Variants in WDR70 observed in about 807,000 individuals in gnomAD.
WDR70 encodes the protein WD repeat domain 70, also known as WD repeat-containing protein 70.
A neutral mutation model predicts 88.6 loss-of-function variants in WDR70; 53 were observed. The observed-to-expected ratio is 0.60, with a 90% confidence interval of 0.48 to 0.75. The LOEUF is 0.75. WDR70 is among the 30% of genes least tolerant of loss of function. WDR70 has a pLI of 0.00. For synonymous variants in WDR70, 280 were observed against 270.0 expected, an observed-to-expected ratio of 1.04 and a Z score of -0.36; for missense variants, 610 against 823.2, an observed-to-expected ratio of 0.74 and a Z score of 3.17.
At chr5:37,501,929 T>A (rs1961374) in intron 8 of WDR70, among the ~76,000 whole-genome samples, 63,338 of 152,020 alleles carry the variant, frequency 0.42, 15,323 homozygotes, top group Non-Finnish European at 0.54. Context: ...ATTCAGGCTC[T>A]TTTTTAGTTC....
intron 9 of WDR70, among the ~76,000 whole-genome samples, chr5:37,538,825 A>G (rs1352196283): frequency 6.6e-6 from 1 of 152,228 alleles, no homozygotes; most frequent in Non-Finnish European, 1.5e-5. Context: ...AATGAAAACC[A>G]GATGATAATG....
rs1374858629 is a variant in WDR70 at position 37,472,289 on chromosome 5, T to C, written c.687-7545T>C. 2.0e-5 allele frequency among the ~76,000 whole-genome samples: 3 copies of C among 152,150 alleles called. No individual in the cohort carries two copies. The East Asian group carries it at 5.8e-4, about 29-fold the overall frequency. On this transcript the variant is annotated intron_variant, in intron 7 of 17. Transcript: ENST00000265107. ...TCTCTTGATTCTTTTTCATTCTATG[T>C]CCCTCCTTCCCATAGAGGCAAGTAC... is the stretch of plus-strand genomic sequence containing the variant.
intron 10 of WDR70, among the ~76,000 whole-genome samples, chr5:37,655,324 G>T (rs1287880899): frequency 6.6e-6 from 1 of 152,116 alleles, no homozygotes; most frequent in Non-Finnish European, 1.5e-5. Context: ...TAGTCTGATG[G>T]GCTTCCTTCT....
At chr5:37,742,992 C>T (rs1029584993) in intron 17 of WDR70, among the ~76,000 whole-genome samples, 1 of 152,224 alleles carries the variant, frequency 6.6e-6, no homozygotes, top group African/African-American at 2.4e-5. Flanking sequence ...TGAAATATCA[C>T]ATGAAATATT....
intron 9 of WDR70, among the ~76,000 whole-genome samples, chr5:37,538,057 G>A (rs1311672819): frequency 3.3e-5 from 5 of 152,068 alleles, no homozygotes; most frequent in African/African-American, 7.2e-5. Context: ...TCTCTTCTAC[G>A]TTGGTTAGCA....
chr5:37,502,929 A>T (rs1208644630), intron 8 of WDR70, among the ~76,000 whole-genome samples: 2 of 152,316 alleles, frequency 1.3e-5, no homozygotes, highest in East Asian at 3.9e-4. Context: ...AACACCTCTC[A>T]CTAGGCCCCA....
intron 7 of WDR70, among the ~76,000 whole-genome samples, chr5:37,456,415 C>T (rs1021698768): frequency 4.6e-5 from 7 of 152,126 alleles, no homozygotes; most frequent in African/African-American, 1.4e-4. Flanking sequence ...ATTTTAAGAA[C>T]TGGGTTCTTT....
At chr5:37,649,291 A>G (rs899174449) in intron 10 of WDR70, among the ~76,000 whole-genome samples, 1 of 152,052 alleles carries the variant, frequency 6.6e-6, no homozygotes, top group African/African-American at 2.4e-5. Context: ...GAGAGTAGGA[A>G]TTAAGACCAG....
intron 9 of WDR70, among the ~76,000 whole-genome samples, chr5:37,574,494 G>A (rs1422413273): frequency 2.6e-5 from 4 of 152,054 alleles, no homozygotes; most frequent in African/African-American, 9.7e-5. Context: ...ACCTTTGAAA[G>A]TTAGCATATG....
intron 9 of WDR70, among the ~76,000 whole-genome samples, chr5:37,579,190 A>G (rs1439679356): frequency 1.3e-5 from 2 of 152,204 alleles, no homozygotes; most frequent in Non-Finnish European, 2.9e-5. Flanking sequence ...GGGTTTGTAA[A>G]TACTTTTTGA....
intron 8 of WDR70, among the ~76,000 whole-genome samples, chr5:37,501,395 CT>C: frequency 6.6e-6 from 1 of 152,228 alleles, no homozygotes; most frequent in African/African-American, 2.4e-5. Flanking sequence ...AGATTTACCT[CT>C]TTAATACAGG....
At chr5:37,533,865 C>G (rs1272353950) in intron 9 of WDR70, among the ~76,000 whole-genome samples, 1 of 152,160 alleles carries the variant, frequency 6.6e-6, no homozygotes, top group African/African-American at 2.4e-5. Flanking sequence ...CTGCCGTGCC[C>G]CCTCACCTGC....
intron 17 of WDR70, among the ~76,000 whole-genome samples, chr5:37,729,920 G>A (rs1748096201): frequency 6.6e-6 from 1 of 151,694 alleles, no homozygotes; most frequent in Non-Finnish European, 1.5e-5. Flanking sequence ...TCCACCCCTT[G>A]TAGCTAAATA....
chr5:37,461,332 G>T (rs1738997805), intron 7 of WDR70, among the ~76,000 whole-genome samples: 1 of 152,024 alleles, frequency 6.6e-6, no homozygotes, highest in Non-Finnish European at 1.5e-5. Flanking sequence ...GATTCTTCTT[G>T]TATCTCCTTA....
intron 9 of WDR70, among the ~76,000 whole-genome samples, chr5:37,528,437 C>T (rs554449084): frequency 6.6e-6 from 1 of 151,974 alleles, no homozygotes; most frequent in Non-Finnish European, 1.5e-5. Context: ...AATGAGAACC[C>T]TTGGACACAG....
At chr5:37,413,098 G>A (rs2056872) in intron 5 of WDR70, among the ~76,000 whole-genome samples, 147,889 of 152,232 alleles carry the variant, frequency 0.97, 71,992 homozygotes, top group East Asian at 1. Flanking sequence ...ATTTAATTAC[G>A]CCTGCAAGGT....
At chr5:37,669,939 A>T (rs936795431) in intron 10 of WDR70, among the ~76,000 whole-genome samples, 5 of 152,332 alleles carry the variant, frequency 3.3e-5, no homozygotes, top group African/African-American at 1.2e-4. Context: ...ATGTTTTATG[A>T]TTTCATTTGT....
intron 9 of WDR70, among the ~76,000 whole-genome samples, chr5:37,565,049 A>T (rs1742697749): frequency 6.6e-6 from 1 of 152,218 alleles, no homozygotes; most frequent in Admixed American, 6.5e-5. Context: ...ATACCATTAT[A>T]ATAAACTTAA....
At chr5:37,524,898 G>A (rs1741211973) in intron 9 of WDR70, among the ~76,000 whole-genome samples, 1 of 152,156 alleles carries the variant, frequency 6.6e-6, no homozygotes, top group Admixed American at 6.6e-5. Context: ...TTACATAATG[G>A]TAAAGGGATC....
Sources: gnomAD v4.1 joint callset for allele counts (sites outside exome capture counted in the v4.1 genomes callset) on GRCh38, gnomAD v4.1.1 for gene constraint, MANE v1.5 for transcripts, NCBI Gene and HGNC (gene_info 2026-07-23, HGNC 2026-07-21) for gene names.